DOCK8: variants seen among roughly 807,000 people sequenced by gnomAD.
The protein encoded by DOCK8 is dedicator of cytokinesis 8.
In DOCK8, 141 loss-of-function variants were observed where a neutral mutation model predicts 245.6. The ratio of observed to expected loss-of-function variants is 0.57; its 90% confidence interval spans 0.50 to 0.66. The LOEUF (loss-of-function observed/expected upper bound fraction) is 0.66, where lower values mean the gene tolerates loss of function less well. Among genes scored for constraint, DOCK8 ranks in the 30% least tolerant of loss-of-function variants. The probability of loss-of-function intolerance (pLI) is 0.00; values close to 1 mark genes in which losing one functional copy is unlikely to be tolerated. For missense variants in DOCK8, 2,965 were observed against 2,603.4 expected, an observed-to-expected ratio of 1.14 and a Z score of -3.02; for synonymous variants, 1,168 against 970.2, an observed-to-expected ratio of 1.20 and a Z score of -3.79.
chr9:271,712 T>G lies in DOCK8; in HGVS notation c.139T>G (p.Phe47Val). ...TCGACAGAGCATAAGTACCTCTGGC[T>G]TCCCCTCTCTTCAACTAGTAAGTAT... The part of the protein sequence containing the change: ...YHRQSISTSG[F>V]PSLQLPQFYD... The change falls in exon 2 of 48, where the codon TTC becomes GTC. Residue 47 changes from phenylalanine to valine, a missense_variant. Phe to Val is a conservative substitution (Grantham distance 50, BLOSUM62 -1). Coordinates refer to ENST00000432829, the MANE Select transcript of DOCK8 (RefSeq NM_203447.4). 6.4e-7 allele frequency: 1 copy of G among 1,551,480 alleles called. No homozygotes were observed. The highest frequency in any genetic ancestry group is 8.7e-7 in the Non-Finnish European group (1 of 1,146,560).
upstream of DOCK8, among the ~76,000 whole-genome samples, chr9:212,639 T>C (rs1438062406): frequency 1.3e-5 from 2 of 152,196 alleles, no homozygotes; most frequent in African/African-American, 4.8e-5. Flanking sequence ...GTTAAGGAAA[T>C]CTGGAGACAA....
At position 305,895 on chromosome 9, in the gene DOCK8, G is replaced by T. The variant is rs940105426; in HGVS notation, c.528+1191G>T. Among the ~76,000 whole-genome samples, 24 of 152,180 alleles carry T rather than the reference G, an allele frequency of 1.6e-4. 1 individual carries two copies. Among genetic ancestry groups the T allele is most frequent in the Non-Finnish European group, 7.3e-5 (5 of 68,036 alleles). On this transcript the variant is annotated intron_variant, in intron 5 of 47. Transcript: ENST00000432829. ...AGCAGCCCAAGTATCCATCCATAAT[G>T]AATGGATAAACAAAATGTGGTCGCC...
At chr9:316,264 C>T (rs745958931) in intron 6 of DOCK8, among the ~76,000 whole-genome samples, 5 of 152,200 alleles carry the variant, frequency 3.3e-5, no homozygotes, top group Non-Finnish European at 7.3e-5. Flanking sequence ...GGAAAGCATA[C>T]TGCAAGAGTG....
At chr9:249,696 C>A (rs1457367477) in intron 1 of DOCK8, among the ~76,000 whole-genome samples, 1 of 152,120 alleles carries the variant, frequency 6.6e-6, no homozygotes, top group East Asian at 1.9e-4. Context: ...TGGCTCACTG[C>A]AACCTCTGCC....
intron 1 of DOCK8, among the ~76,000 whole-genome samples, chr9:259,032 T>TGTG (rs1489168269): frequency 6.6e-6 from 1 of 150,938 alleles, no homozygotes; most frequent in Non-Finnish European, 1.5e-5. Context: ...CTCGGTTGAG[T>TGTG]GTGGTGGTTC....
intron 14 of DOCK8, among the ~76,000 whole-genome samples, chr9:347,272 G>A (rs1392319594): frequency 2.6e-5 from 4 of 152,172 alleles, no homozygotes; most frequent in Admixed American, 2.6e-4. Flanking sequence ...GGGAGGCCGA[G>A]GCGGGAGGAT....
chr9:403,511 A>G (rs111491994), intron 26 of DOCK8, among the ~76,000 whole-genome samples: 3 of 152,150 alleles, frequency 2.0e-5, no homozygotes, highest in Admixed American at 6.5e-5. Flanking sequence ...ATGTCTAACT[A>G]TGAATTAATT....
chr9:418,762 C>T (rs887050033), intron 30 of DOCK8, among the ~76,000 whole-genome samples: 19 of 152,140 alleles, frequency 1.2e-4, no homozygotes, highest in South Asian at 6.2e-4. Flanking sequence ...TTCAAGAAAC[C>T]GGAAAAGAGG....
At chr9:213,474 C>T (rs756297226), upstream of DOCK8, 1 of 152,136 alleles carries the variant, frequency 6.6e-6, no homozygotes, top group East Asian at 1.9e-4. Flanking sequence ...AAGGGGAAAA[C>T]AAACAGGTGA....
At chr9:281,230 G>T (rs577124941) in intron 2 of DOCK8, among the ~76,000 whole-genome samples, 1 of 151,668 alleles carries the variant, frequency 6.6e-6, no homozygotes, top group Non-Finnish European at 1.5e-5. Flanking sequence ...GTCCAGCAAC[G>T]GAGTGAGACT....
intron 5 of DOCK8, among the ~76,000 whole-genome samples, chr9:305,770 C>T (rs998137988): frequency 1.3e-4 from 20 of 152,278 alleles, no homozygotes; most frequent in African/African-American, 2.9e-4. Context: ...TTGCATAAAA[C>T]GGCCAAAGAA....
intron 34 of DOCK8, among the ~76,000 whole-genome samples, chr9:427,517 T>C (rs1168073053): frequency 6.6e-6 from 1 of 152,226 alleles, no homozygotes; most frequent in Admixed American, 6.5e-5. Context: ...GTGAACTTTG[T>C]ACCATACTAA....
At chr9:398,297 C>G (rs552032602) in intron 25 of DOCK8, among the ~76,000 whole-genome samples, 1 of 152,312 alleles carries the variant, frequency 6.6e-6, no homozygotes, top group Admixed American at 6.5e-5. Flanking sequence ...GAGGACCTCT[C>G]AGCGGCACGG....
At chr9:442,436 T>C (rs1339112738) in intron 42 of DOCK8, among the ~76,000 whole-genome samples, 3 of 152,184 alleles carry the variant, frequency 2.0e-5, no homozygotes, top group African/African-American at 7.2e-5. Flanking sequence ...CCCTAGATAA[T>C]GGTGAGGCCA....
At chr9:214,375 A>T, upstream of DOCK8, 1 of 751,746 alleles carries the variant, frequency 1.3e-6, no homozygotes, top group Non-Finnish European at 2.2e-6. Flanking sequence ...ATATTTATTT[A>T]GTGTCTCAGG....
chr9:258,592 C>CTTTTT (rs540266063), intron 1 of DOCK8, among the ~76,000 whole-genome samples: 5 of 100,292 alleles, frequency 5.0e-5, no homozygotes, highest in Admixed American at 1.2e-4. Context: ...TGAAGAGACT[C>CTTTTT]TTTTTTTTTT....
At chr9:442,850 A>G (rs918579739) in intron 42 of DOCK8, among the ~76,000 whole-genome samples, 3 of 151,172 alleles carry the variant, frequency 2.0e-5, no homozygotes, top group African/African-American at 7.4e-5. Context: ...AACTTAAAAC[A>G]TTTGTGTTGC....
At chr9:254,876 A>G (rs35728205) in intron 1 of DOCK8, among the ~76,000 whole-genome samples, 12,555 of 152,202 alleles carry the variant, frequency 0.082, 550 homozygotes, top group South Asian at 0.12. Flanking sequence ...CGTTATTATA[A>G]TGCAGATTCT....
At chr9:395,750 C>G (rs188775317) in intron 24 of DOCK8, among the ~76,000 whole-genome samples, 58 of 151,986 alleles carry the variant, frequency 3.8e-4, no homozygotes, top group Admixed American at 1.1e-3. Flanking sequence ...TCTCCTGGCC[C>G]CAAGAAGATG....
Sources: allele counts gnomAD v4.1 joint callset (sites outside exome capture counted in the v4.1 genomes callset), GRCh38; gene constraint gnomAD v4.1.1; transcripts MANE v1.5; gene names NCBI Gene and HGNC (gene_info 2026-07-23, HGNC 2026-07-21).